PPIL2: variants seen among roughly 807,000 people sequenced by gnomAD.
PPIL2 encodes RING-type E3 ubiquitin-protein ligase PPIL2.
In PPIL2, 50 loss-of-function variants were observed where a neutral mutation model predicts 75.2. The observed-to-expected ratio is 0.66, with a 90% CI of 0.53 to 0.84. PPIL2 has a LOEUF of 0.84. Ranked by LOEUF, PPIL2 falls within the 40% of genes least tolerant of loss-of-function variation. The pLI is 0.00. For missense variants in PPIL2, 590 were observed against 685.0 expected, an observed-to-expected ratio of 0.86 and a Z score of 1.55; for synonymous variants, 245 against 258.8, an observed-to-expected ratio of 0.95 and a Z score of 0.51.
intron 6 of PPIL2, among the ~76,000 whole-genome samples, chr22:21,679,839 G>A (rs538146155): frequency 4.8e-4 from 73 of 151,630 alleles, no homozygotes; most frequent in African/African-American, 1.7e-3. Flanking sequence ...TGTAATCCCA[G>A]CACTTTGGGA....
chr22:21,677,515 C>T (rs551476691), intron 6 of PPIL2, among the ~76,000 whole-genome samples: 24 of 152,306 alleles, frequency 1.6e-4, no homozygotes, highest in Non-Finnish European at 2.6e-4. Context: ...GCCAACACAG[C>T]GAAACCCCGT....
chr22:21,692,369 T>A (rs191231503), intron 15 of PPIL2, among the ~76,000 whole-genome samples: 1 of 151,382 alleles, frequency 6.6e-6, no homozygotes, highest in East Asian at 2.0e-4. Context: ...TTAGCGAGGA[T>A]GGTCTCGATC....
At chr22:21,689,068 A>G (rs554466959) in intron 15 of PPIL2, among the ~76,000 whole-genome samples, 2 of 152,370 alleles carry the variant, frequency 1.3e-5, no homozygotes, top group Admixed American at 1.3e-4. Flanking sequence ...TCGAGAGACC[A>G]GAAGTCGGGA....
At chr22:21,680,161 T>A (rs1470008228) in intron 6 of PPIL2, among the ~76,000 whole-genome samples, 1 of 151,900 alleles carries the variant, frequency 6.6e-6, no homozygotes, top group Non-Finnish European at 1.5e-5. Flanking sequence ...CTACTGCACT[T>A]ACTTTTTTAT....
At chr22:21,691,033 C>T (rs886480685) in intron 15 of PPIL2, among the ~76,000 whole-genome samples, 1 of 135,824 alleles carries the variant, frequency 7.4e-6, no homozygotes, top group Non-Finnish European at 1.5e-5. Flanking sequence ...GGCGGGATCT[C>T]GGCTCACTGC....
rs755407183 is a variant in PPIL2, at chr22:21,695,399, G to A, written c.1472G>A (p.Arg491Gln). ...GKYINPAATK[R>Q]AAEEEPSTSA... ...GCGGCTTCTTCTCTTCCCAGGAAGCGAGCAGCAGAGGAAGAGCCCTCAACC... is the reference window on the plus strand; with the variant it reads ...GCGGCTTCTTCTCTTCCCAGGAAGCAAGCAGCAGAGGAAGAGCCCTCAACC... Residue 491 changes from arginine to glutamine, a missense_variant, in exon 20 of 20, where the codon CGA (arginine) becomes CAA (glutamine). Coordinates refer to ENST00000398831, the MANE Select transcript of PPIL2 (RefSeq NM_014337.4). 4.4e-6 allele frequency: 7 copies of A among 1,607,038 alleles called. No homozygotes were observed. Among genetic ancestry groups the A allele is most frequent in the Middle Eastern group, 1.6e-4 (1 of 6,074 alleles).
intron 19 of PPIL2, 120 bp from the exon 20 acceptor site, chr22:21,695,274 G>T (rs1022181272): frequency 3.7e-6 from 5 of 1,334,568 alleles, no homozygotes; most frequent in Non-Finnish European, 5.1e-6. Context: ...AATTCAGGGG[G>T]ATGTGGGAGC....
intron 3 of PPIL2, 84 bp downstream of exon 3, chr22:21,670,695 G>A (rs2066598480): frequency 7.0e-7 from 1 of 1,419,250 alleles, no homozygotes; most frequent in Non-Finnish European, 9.9e-7. Context: ...TGGATGTGGG[G>A]TTATGCGTAA....
In PPIL2 at chr22:21,693,888, G is replaced by T. The variant is rs1001256871; in HGVS notation, c.1196+16G>T. 6.5e-7 allele frequency: 1 copy of T among 1,530,712 alleles called. No individual in the cohort carries two copies. Among genetic ancestry groups the T allele is most frequent in the African/African-American group, 1.4e-5 (1 of 72,938 alleles). The allele number at this position is 1,530,712 out of a possible 1,614,324, so 94.8% of individuals were successfully genotyped here. On this transcript the variant is annotated intron_variant, in intron 16 of 19. Coordinates refer to ENST00000398831, the MANE Select transcript of PPIL2 (RefSeq NM_014337.4). ...TCTTTGGACGGTAAGGGAAGCGGCT[G>T]TGTGAAGCCTGGGGGGTCAGTGGGC...
chr22:21,690,240 G>A (rs1001360441), intron 15 of PPIL2, among the ~76,000 whole-genome samples: 4 of 152,040 alleles, frequency 2.6e-5, no homozygotes, highest in African/African-American at 4.8e-5. Flanking sequence ...AAAAATTAGC[G>A]GGGCATGGTG....
downstream of PPIL2, chr22:21,699,544 C>T (rs542993534): frequency 6.6e-6 from 1 of 152,550 alleles, no homozygotes; most frequent in Non-Finnish European, 1.5e-5. Flanking sequence ...TGCACAGGCC[C>T]CTCTATCAGT....
At chr22:21,677,667 G>A (rs971611731) in intron 6 of PPIL2, among the ~76,000 whole-genome samples, 2 of 151,776 alleles carry the variant, frequency 1.3e-5, no homozygotes, top group African/African-American at 2.4e-5. Flanking sequence ...GCTTTGGCTC[G>A]GCATCAGAGG....
intron 4 of PPIL2, 37 bp downstream of exon 4, chr22:21,671,096 A>G: frequency 6.4e-7 from 1 of 1,574,346 alleles, no homozygotes; most frequent in Non-Finnish European, 8.7e-7. Context: ...AACAAATGTG[A>G]GATTCTCAAC....
intron 14 of PPIL2, 120 bp downstream of exon 14, chr22:21,688,226 G>A (rs999349056): frequency 1.4e-5 from 18 of 1,313,014 alleles, no homozygotes; most frequent in Admixed American, 7.2e-5. Flanking sequence ...AGGGTGGAAC[G>A]ACTGGCAGCC....
rs193066028 is a variant in PPIL2 at position 21,691,328 on chromosome 22, A to G, written c.1139+2479A>G. Among the ~76,000 whole-genome samples the G allele has an allele frequency of 1.0e-3, 157 of 152,262 alleles. 1 individual carries two copies. The highest frequency in any genetic ancestry group is 3.7e-3 in the African/African-American group (152 of 41,548). On this transcript the variant is annotated intron_variant, in intron 15 of 19. Transcript: ENST00000398831. ...GCCTATTTTACCGTATTCAAAGATC[A>G]TTAGACTTTAATTTGTTACAGCTTT...
At chr22:21,679,224 T>C (rs2067003759) in intron 6 of PPIL2, among the ~76,000 whole-genome samples, 1 of 151,916 alleles carries the variant, frequency 6.6e-6, no homozygotes, top group South Asian at 2.1e-4. Context: ...TTTATTTTTG[T>C]AGAGATGAGG....
chr22:21,684,922 C>G lies in PPIL2; in HGVS notation c.714+9C>G, dbSNP rs202005174. ...TGGACAAGCTGAACGCTGTGAGTGGCGGAGGGCACTCGGCCAAGCCCAAGC... is the reference window on the plus strand; with the variant it reads ...TGGACAAGCTGAACGCTGTGAGTGGGGGAGGGCACTCGGCCAAGCCCAAGC... On this transcript the variant is annotated intron_variant, in intron 10 of 19. Coordinates refer to ENST00000398831, the MANE Select transcript of PPIL2 (RefSeq NM_014337.4). 1 of 1,613,246 alleles carries G rather than the reference C, an allele frequency of 6.2e-7. No individual in the cohort carries two copies. The highest frequency in any genetic ancestry group is 2.2e-5 in the East Asian group (1 of 44,858).
chr22:21,684,727 C>CT, intron 9 of PPIL2, 26 bp from the exon 10 acceptor site: 1 of 1,611,788 alleles, frequency 6.2e-7, no homozygotes, highest in African/African-American at 1.3e-5. Context: ...GGCTCGGCGG[C>CT]TCAGGGCCAT....
intron 6 of PPIL2, among the ~76,000 whole-genome samples, chr22:21,676,309 T>TTGTGTGTGTGTGTG (rs61112126): frequency 0.071 from 8,701 of 122,562 alleles, 397 homozygotes; most frequent in Non-Finnish European, 0.096. Flanking sequence ...TTTATTTATT[T>TTGTGTGTGTGTGTG]TGTGTGTGTG....
Sources: gnomAD v4.1 joint callset for allele counts (sites outside exome capture counted in the v4.1 genomes callset) on GRCh38, gnomAD v4.1.1 for gene constraint, MANE v1.5 for transcripts, NCBI Gene and HGNC (gene_info 2026-07-23, HGNC 2026-07-21) for gene names.